ATG2B: variants seen among roughly 807,000 people sequenced by gnomAD.
The protein encoded by ATG2B is autophagy-related protein 2 homolog B.
In ATG2B, 121 loss-of-function variants were observed where a neutral mutation model predicts 241.3. The observed-to-expected ratio is 0.50, with a 90% CI of 0.43 to 0.58. The LOEUF is 0.58. ATG2B is among the 20% of genes least tolerant of loss of function. The probability of loss-of-function intolerance (pLI) is 0.00; values close to 1 mark genes in which losing one functional copy is unlikely to be tolerated. For synonymous variants in ATG2B, 858 were observed against 876.6 expected, an observed-to-expected ratio of 0.98 and a Z score of 0.37; for missense variants, 2,306 against 2,491.6, an observed-to-expected ratio of 0.93 and a Z score of 1.59.
chr14:96,314,248 A>G (rs569920837), intron 23 of ATG2B, among the ~76,000 whole-genome samples: 6 of 152,334 alleles, frequency 3.9e-5, no homozygotes, highest in Non-Finnish European at 8.8e-5. Context: ...TCCCAGCACA[A>G]TTAAGAAGTT....
chr14:96,310,444 T>C (rs1418257934), intron 28 of ATG2B, among the ~76,000 whole-genome samples: 1 of 151,906 alleles, frequency 6.6e-6, no homozygotes, highest in Non-Finnish European at 1.5e-5. Context: ...AGAATAACAA[T>C]GAAAAAGAAA....
At position 96,315,251 on chromosome 14, in the gene ATG2B, A is replaced by G. The variant is rs1887275223; in HGVS notation, c.3562-17T>C. On this transcript the variant is annotated splice_polypyrimidine_tract_variant and intron_variant, in intron 22 of 41. Transcript: ENST00000359933. ...GAGAAATTCCTATACAGAACAAGACAAAGAATGACATTTACCACCTATGTA... is the reference window on the plus strand; with the variant it reads ...GAGAAATTCCTATACAGAACAAGACGAAGAATGACATTTACCACCTATGTA... 1 of 1,609,258 alleles carries G rather than the reference A, an allele frequency of 6.2e-7. No individual in the cohort carries two copies. The highest frequency in any genetic ancestry group is 8.5e-7 in the Non-Finnish European group (1 of 1,175,818).
chr14:96,347,914 G>A (rs964757342), intron 1 of ATG2B, among the ~76,000 whole-genome samples: 2 of 152,138 alleles, frequency 1.3e-5, no homozygotes, highest in African/African-American at 4.8e-5. Flanking sequence ...CCACTATGGA[G>A]AACAATTTGG....
In ATG2B at chr14:96,304,622, A is replaced by AG; in HGVS notation, c.4734-20_4734-19insC. ...GGGACTACTAAAAATGAGCAAAAAA[A>AG]AAAAAAACCCTTTTGTTAAAGGAAT... On this transcript the variant is annotated intron_variant, in intron 31 of 41. Transcript: ENST00000359933. The AG allele has an allele frequency of 6.5e-7, 1 of 1,544,180 alleles. No homozygotes were observed.
intron 31 of ATG2B, among the ~76,000 whole-genome samples, 183 bp from the exon 32 acceptor site, chr14:96,304,786 C>T (rs1156597008): frequency 1.3e-5 from 2 of 152,086 alleles, no homozygotes; most frequent in Admixed American, 6.5e-5. Context: ...CACTGAAACA[C>T]GCGTTTCATT....
chr14:96,296,933 GAGA>G (rs1886658190), intron 34 of ATG2B, among the ~76,000 whole-genome samples: 1 of 152,148 alleles, frequency 6.6e-6, no homozygotes, highest in Non-Finnish European at 1.5e-5. Context: ...TGATGCAAAT[GAGA>G]AGGATATCCT....
chr14:96,334,479 T>G lies in ATG2B; in HGVS notation c.947A>C (p.Asp316Ala). ...GAKLDVDGQI[D>A]SIHLLLSPRQ... ...TGGTGACAGGAGTAGATGAATAGAG[T>G]CTATCTGTCCATCAACATCCAACTT... Residue 316 changes from aspartate (D) to alanine (A), a missense_variant, in exon 7 of 42, where the codon GAC (aspartate) becomes GCC (alanine). Physicochemically the swap from Asp to Ala is moderately radical, Grantham distance 126. Transcript: ENST00000359933. 1 of 1,602,946 alleles carries G rather than the reference T, an allele frequency of 6.2e-7. No homozygotes were observed. Among genetic ancestry groups the G allele is most frequent in the Admixed American group, 1.7e-5 (1 of 57,942 alleles).
intron 1 of ATG2B, among the ~76,000 whole-genome samples, chr14:96,348,593 G>C (rs969793999): frequency 1.3e-5 from 2 of 151,216 alleles, no homozygotes; most frequent in Non-Finnish European, 2.9e-5. Flanking sequence ...TGAAACAAAA[G>C]AATCACTTGG....
intron 1 of ATG2B, among the ~76,000 whole-genome samples, chr14:96,348,849 T>C (rs533231737): frequency 3.3e-5 from 5 of 152,306 alleles, no homozygotes; most frequent in African/African-American, 1.2e-4. Flanking sequence ...TTAGGCATTG[T>C]ATGCCTGTGT....
intron 20 of ATG2B, 31 bp downstream of exon 20, chr14:96,317,114 T>G (rs369131227): frequency 1.3e-6 from 2 of 1,563,212 alleles, no homozygotes; most frequent in Non-Finnish European, 1.7e-6. Context: ...AAGATACATT[T>G]GAAAAAACAC....
chr14:96,321,944 C>T lies in ATG2B; in HGVS notation c.2879+168G>A, dbSNP rs1887468327. 2.0e-5 allele frequency among the ~76,000 whole-genome samples: 3 copies of T among 152,120 alleles called. No homozygotes were observed. The South Asian group carries it at 6.2e-4, about 31-fold the overall frequency. ...GCACCACGCTAGTTAGGAAACTCTGCTATGACAATAGCACATCATAACGGC... is the reference window on the plus strand; with the variant it reads ...GCACCACGCTAGTTAGGAAACTCTGTTATGACAATAGCACATCATAACGGC... On this transcript the variant is annotated intron_variant, in intron 18 of 41. Transcript: ENST00000359933.
intron 1 of ATG2B, among the ~76,000 whole-genome samples, chr14:96,358,328 C>T (rs956777296): frequency 6.6e-6 from 1 of 152,004 alleles, no homozygotes; most frequent in Admixed American, 6.6e-5. Flanking sequence ...TCCCCACCTA[C>T]TCAGGAGGCT....
rs1462172493 is a variant in ATG2B at position 96,331,372 on chromosome 14, T to C, written c.1730+4A>G. The stretch of plus-strand genomic sequence containing the variant: ...GGATCATTAATACATATGTGAGAGT[T>C]TACCTAAGGTGATCGTGTGAGCAAG... On this transcript the variant is annotated splice_donor_region_variant and intron_variant, in intron 11 of 41. Transcript: ENST00000359933. 6.2e-7 allele frequency: 1 copy of C among 1,605,286 alleles called. No homozygotes were observed. The highest frequency in any genetic ancestry group is 8.5e-7 in the Non-Finnish European group (1 of 1,176,948).
At chr14:96,334,891 T>C (rs568484840) in intron 6 of ATG2B, among the ~76,000 whole-genome samples, 1 of 152,300 alleles carries the variant, frequency 6.6e-6, no homozygotes, top group African/African-American at 2.4e-5. Flanking sequence ...CTGATTCACA[T>C]CAAGAACAAA....
At chr14:96,347,947 A>G (rs1888212391) in intron 1 of ATG2B, among the ~76,000 whole-genome samples, 1 of 152,194 alleles carries the variant, frequency 6.6e-6, no homozygotes, top group African/African-American at 2.4e-5. Context: ...AAAACTAAAC[A>G]TAGAACTACT....
intron 1 of ATG2B, among the ~76,000 whole-genome samples, chr14:96,353,631 A>C (rs1287845517): frequency 7.2e-6 from 1 of 139,690 alleles, no homozygotes; most frequent in Non-Finnish European, 1.6e-5. Context: ...GTCTCAAAAA[A>C]ATTTCATATT....
chr14:96,293,501 T>C (rs1024523203), intron 36 of ATG2B, among the ~76,000 whole-genome samples: 1 of 152,194 alleles, frequency 6.6e-6, no homozygotes. Context: ...CAGTAAATAT[T>C]TGTAAAATGA....
chr14:96,314,670 C>CTGTTTTGTTTTGTTTTGTTT, intron 23 of ATG2B, among the ~76,000 whole-genome samples: 1 of 151,466 alleles, frequency 6.6e-6, no homozygotes, highest in South Asian at 2.1e-4. Context: ...GGTGATAATA[C>CTGTTTTGTTTTGTTTTGTTT]TGTTTTGTTT....
In ATG2B at chr14:96,322,593, T is replaced by G; in HGVS notation, c.2683A>C (p.Arg895=). The change falls in exon 17 of 42, where the codon AGA becomes CGA. Residue 895 remains arginine, a synonymous_variant. Coordinates refer to ENST00000359933, the MANE Select transcript of ATG2B (RefSeq NM_018036.7). ...HSLKDVCDLR[R]PAPSPFSSRR... is the part of the protein sequence containing the mutation. ...GAAGAAAAAGGAGATGGGGCTGGTC[T>G]TCTTAGATCACAAACATCTTTCAAG... The G allele has an allele frequency of 6.2e-7, 1 of 1,613,638 alleles. No homozygotes were observed. Among genetic ancestry groups the G allele is most frequent in the Non-Finnish European group, 8.5e-7 (1 of 1,179,888 alleles).
Sources: allele counts gnomAD v4.1 joint callset (sites outside exome capture counted in the v4.1 genomes callset), GRCh38; gene constraint gnomAD v4.1.1; transcripts MANE v1.5; gene names NCBI Gene and HGNC (gene_info 2026-07-23, HGNC 2026-07-21).